EGFL6: variants seen among roughly 807,000 people sequenced by gnomAD.
The protein encoded by EGFL6 is EGF like domain multiple 6.
EGFL6 carries 42 observed loss-of-function variants against 43.1 expected under a neutral mutation model. The observed-to-expected ratio is 0.98, with a 90% CI of 0.76 to 1.26. EGFL6 has a LOEUF of 1.26. Ranked by LOEUF, EGFL6 falls within the 50% of genes most tolerant of loss-of-function variation. The pLI is 0.00. For synonymous variants in EGFL6, 164 were observed against 163.2 expected (o/e 1.01, Z -0.04); for missense variants, 429 against 427.8 (o/e 1.00, Z -0.02).
chrX:13,616,539 G>C (rs991235449), intron 7 of EGFL6, among the ~76,000 whole-genome samples: 3 of 110,286 alleles, frequency 2.7e-5, no homozygotes, highest in Admixed American at 9.5e-5. Flanking sequence ...CAACCCAGGA[G>C]GGGGAGGTTG....
chrX:13,592,092 A>T (rs1215925298), intron 2 of EGFL6, among the ~76,000 whole-genome samples: 1 of 111,408 alleles, frequency 9.0e-6, no homozygotes, highest in Non-Finnish European at 1.9e-5. Context: ...TGAAGCTTTA[A>T]CCTTATAGCA....
At chrX:13,612,038 CT>C (rs760314429) in intron 7 of EGFL6, among the ~76,000 whole-genome samples, 25 of 104,835 alleles carry the variant, frequency 2.4e-4, no homozygotes, top group East Asian at 2.4e-3. Flanking sequence ...AAAATCCACT[CT>C]TTTTTTTTTT....
rs769560348 is a variant in EGFL6 at position 13,589,676 on chromosome X, T to G, written c.187+8T>G. On this transcript the variant is annotated splice_region_variant and intron_variant, in intron 2 of 11. Coordinates refer to ENST00000361306, the MANE Select transcript of EGFL6 (RefSeq NM_015507.4). ...GCAAGGGAGTCTGTGAAGGTAATTT[T>G]GTAAAAACTCAGACCCTGCACTTGG... 2 of 1,198,132 alleles carry G rather than the reference T, an allele frequency of 1.7e-6. No individual in the cohort carries two copies. Among genetic ancestry groups the G allele is most frequent in the Admixed American group, 4.4e-5 (2 of 45,742 alleles).
intron 6 of EGFL6, among the ~76,000 whole-genome samples, chrX:13,606,981 G>T (rs1032944892): frequency 8.9e-6 from 1 of 111,813 alleles, no homozygotes; most frequent in African/African-American, 3.3e-5. Flanking sequence ...AGACATGAAG[G>T]CCTATGCTCT....
In EGFL6 at chrX:13,582,158, G is replaced by A. The variant is rs754971260; in HGVS notation, c.75-7398G>A. 7.3e-3 allele frequency among the ~76,000 whole-genome samples: 798 copies of A among 109,304 alleles called. 5 individuals carry two copies. The highest frequency in any genetic ancestry group is 0.011 in the Non-Finnish European group (564 of 52,529). 94.9% of individuals were successfully genotyped at this position (109,304 alleles called of 115,157 possible). On this transcript the variant is annotated intron_variant, in intron 1 of 11. Coordinates refer to ENST00000361306, the MANE Select transcript of EGFL6 (RefSeq NM_015507.4). The stretch of plus-strand genomic sequence containing the variant: ...GCTGACTGCAAGCTCTGACTCCCGG[G>A]TTCACGCCATTCTCCTGCCTCAGCC...
chrX:13,616,970 C>T (rs2045722377), intron 7 of EGFL6, among the ~76,000 whole-genome samples: 3 of 109,253 alleles, frequency 2.7e-5, no homozygotes, highest in Admixed American at 9.7e-5. Context: ...CCCGGGTTCA[C>T]GCCATTCTCC....
intron 7 of EGFL6, among the ~76,000 whole-genome samples, chrX:13,610,402 G>A (rs1272460167): frequency 9.0e-6 from 1 of 111,714 alleles, no homozygotes; most frequent in Non-Finnish European, 1.9e-5. Context: ...CAGGCTGGGG[G>A]CTCTGAGACG....
chrX:13,625,910 G>GAA (rs1308773478), intron 10 of EGFL6, among the ~76,000 whole-genome samples: 1 of 35,569 alleles, frequency 2.8e-5, no homozygotes, highest in African/African-American at 9.5e-5. Context: ...AAAAGAAAAA[G>GAA]AAAAAAAGAA....
rs922573955 is a variant in EGFL6, at chrX:13,584,733, A to G, written c.75-4823A>G. 6.2e-5 allele frequency among the ~76,000 whole-genome samples: 7 copies of G among 112,294 alleles called. No homozygotes were observed. In the East Asian group the frequency reaches 1.7e-3, roughly 27 times the overall value. On this transcript the variant is annotated intron_variant, in intron 1 of 11. Transcript: ENST00000361306. ...CGACTAGGATATAAGCTCCATGAGG[A>G]CAGAAATCTTATTTCCCTTTTGGTT...
chrX:13,577,345 T>TAC (rs1375018204), intron 1 of EGFL6, among the ~76,000 whole-genome samples: 2 of 52,316 alleles, frequency 3.8e-5, no homozygotes, highest in Non-Finnish European at 7.4e-5. Context: ...TATATATACA[T>TAC]ACACACACAC....
intron 9 of EGFL6, among the ~76,000 whole-genome samples, chrX:13,619,550 A>G (rs1224227928): frequency 8.9e-6 from 1 of 112,008 alleles, no homozygotes; most frequent in East Asian, 2.8e-4. Context: ...CTTCAACTCT[A>G]CTGCCTGAGG....
rs1012053731 is a variant in EGFL6, at chrX:13,582,687, A to G, written c.75-6869A>G. 6.3e-5 allele frequency among the ~76,000 whole-genome samples: 7 copies of G among 111,363 alleles called. No homozygotes were observed. In the East Asian group the frequency reaches 1.1e-3, roughly 18 times the overall value. ...CTGAAAGCAGGCATGTGAAAGCAAT[A>G]AAGATTGAGAAAATGAGGATTTCTC... On this transcript the variant is annotated intron_variant, in intron 1 of 11. Transcript: ENST00000361306.
chrX:13,588,868 T>C (rs2045547568), intron 1 of EGFL6, among the ~76,000 whole-genome samples: 1 of 112,399 alleles, frequency 8.9e-6, no homozygotes, highest in Admixed American at 9.4e-5. Context: ...TGGACAGATA[T>C]CTTATGGCCC....
At chrX:13,577,296 TTTTATATATATATATATATATA>T (rs1290997224) in intron 1 of EGFL6, among the ~76,000 whole-genome samples, 3 of 6,240 alleles carry the variant, frequency 4.8e-4, no homozygotes, top group African/African-American at 1.4e-3. Context: ...TATATATGAA[TTTTATATATATATATATATATA>T]TATATATATA....
At chrX:13,604,279 T>C (rs372910326) in intron 5 of EGFL6, among the ~76,000 whole-genome samples, 1 of 111,309 alleles carries the variant, frequency 9.0e-6, no homozygotes, top group Non-Finnish European at 1.9e-5. Flanking sequence ...AGTAGGGAAG[T>C]AACCCAGGGA....
chrX:13,582,804 C>T (rs1438867132), intron 1 of EGFL6, among the ~76,000 whole-genome samples: 1 of 111,512 alleles, frequency 9.0e-6, no homozygotes, highest in Non-Finnish European at 1.9e-5. Context: ...TCTTTGCAAT[C>T]CCAAGTAATT....
chrX:13,577,652 G>T (rs143058926), intron 1 of EGFL6, among the ~76,000 whole-genome samples: 1 of 110,612 alleles, frequency 9.0e-6, no homozygotes, highest in African/African-American at 3.3e-5. Flanking sequence ...ATTCCTAGTA[G>T]GTATTGCATA....
chrX:13,576,782 T>C (rs1173467073), intron 1 of EGFL6, among the ~76,000 whole-genome samples: 2 of 111,684 alleles, frequency 1.8e-5, no homozygotes, highest in African/African-American at 3.3e-5. Flanking sequence ...AAAGGATAGA[T>C]TGTTAAATGA....
At chrX:13,606,304 TG>T in intron 5 of EGFL6, 74 bp from the exon 6 acceptor site, 1 of 1,071,446 alleles carries the variant, frequency 9.3e-7, no homozygotes, top group Non-Finnish European at 1.3e-6. Flanking sequence ...GAAAAGTAGC[TG>T]TGAGTGTGCG....
Sources: allele counts gnomAD v4.1 joint callset (sites outside exome capture counted in the v4.1 genomes callset), GRCh38; gene constraint gnomAD v4.1.1; transcripts MANE v1.5; gene names NCBI Gene and HGNC (gene_info 2026-07-23, HGNC 2026-07-21).